ZFHX3: variants seen among roughly 807,000 people sequenced by gnomAD.
ZFHX3 encodes zinc finger homeobox protein 3.
A neutral mutation model predicts 279.1 loss-of-function variants in ZFHX3; 42 were observed. The ratio of observed to expected loss-of-function variants is 0.15; its 90% CI spans 0.12 to 0.19. ZFHX3 has a LOEUF of 0.19. Ranked by LOEUF, ZFHX3 falls within the 10% of genes least tolerant of loss-of-function variation. The probability of loss-of-function intolerance (pLI) is 1.00; values close to 1 mark genes in which losing one functional copy is unlikely to be tolerated. For missense variants in ZFHX3, 4,981 were observed against 4,754.0 expected (o/e 1.05, Z -1.40); for synonymous variants, 2,293 against 1,957.8 (o/e 1.17, Z -4.52).
chr16:73,089,199 G>A (rs1966043701), intron 8 of ZFHX3, among the ~76,000 whole-genome samples: 1 of 152,106 alleles, frequency 6.6e-6, no homozygotes, highest in Non-Finnish European at 1.5e-5. Context: ...CGCCTCCCAG[G>A]TTCAAGCAAT....
At chr16:72,860,829 C>T (rs373580130) in intron 4 of ZFHX3, among the ~76,000 whole-genome samples, 12 of 152,234 alleles carry the variant, frequency 7.9e-5, no homozygotes, top group Admixed American at 5.9e-4. Flanking sequence ...AATGCTCAGT[C>T]GTCTGTCCTT....
intron 3 of ZFHX3, among the ~76,000 whole-genome samples, chr16:72,926,872 T>G (rs1157502229): frequency 1.3e-5 from 2 of 152,154 alleles, no homozygotes; most frequent in Non-Finnish European, 2.9e-5. Context: ...TGGCTAGTTC[T>G]CTCTAGACCA....
intron 3 of ZFHX3, among the ~76,000 whole-genome samples, chr16:72,945,136 C>T (rs1182458215): frequency 6.6e-6 from 1 of 152,118 alleles, no homozygotes; most frequent in Admixed American, 6.5e-5. Context: ...GAAATACAAC[C>T]TATTGGACGA....
At chr16:73,769,954 G>C (rs140408388) in intron 1 of ZFHX3, among the ~76,000 whole-genome samples, 5 of 152,280 alleles carry the variant, frequency 3.3e-5, no homozygotes, top group African/African-American at 1.2e-4. Context: ...ATATTACATT[G>C]TTTATTATCA....
chr16:73,004,107 T>C (rs1363877494), intron 1 of ZFHX3, among the ~76,000 whole-genome samples: 2 of 151,096 alleles, frequency 1.3e-5, no homozygotes, highest in South Asian at 2.1e-4. Context: ...TCTTTGCCCA[T>C]TTATCTCTTT....
At chr16:72,931,552 A>C (rs1462702226) in intron 3 of ZFHX3, among the ~76,000 whole-genome samples, 1 of 147,642 alleles carries the variant, frequency 6.8e-6, no homozygotes, top group Non-Finnish European at 1.5e-5. Flanking sequence ...AGGGAAGAGG[A>C]GGGATGCACC....
chr16:72,828,298 A>C (rs1190107767), intron 5 of ZFHX3, among the ~76,000 whole-genome samples: 1 of 152,150 alleles, frequency 6.6e-6, no homozygotes, highest in East Asian at 1.9e-4. Flanking sequence ...CCGTCACATC[A>C]TTTCCTCTTA....
At chr16:72,849,349 A>G (rs1408316837) in intron 4 of ZFHX3, among the ~76,000 whole-genome samples, 1 of 152,196 alleles carries the variant, frequency 6.6e-6, no homozygotes, top group Admixed American at 6.5e-5. Flanking sequence ...GGACAAAAGC[A>G]GGGCTCAGCC....
At chr16:73,215,017 G>C (rs911069706) in intron 5 of ZFHX3, among the ~76,000 whole-genome samples, 1 of 152,044 alleles carries the variant, frequency 6.6e-6, no homozygotes, top group African/African-American at 2.4e-5. Context: ...TTTCTGTAGA[G>C]GGGGCAGGGG....
intron 5 of ZFHX3, among the ~76,000 whole-genome samples, chr16:73,181,068 A>C (rs1967781024): frequency 1.6e-5 from 2 of 122,616 alleles, no homozygotes; most frequent in Admixed American, 1.6e-4. Flanking sequence ...GGCTGCAGCT[A>C]GTTTTTTTGT....
At chr16:73,170,223 G>GTTTTTTTTTTGT (rs1967487767) in intron 5 of ZFHX3, among the ~76,000 whole-genome samples, 2 of 57,718 alleles carry the variant, frequency 3.5e-5, no homozygotes, top group Admixed American at 3.0e-4. Flanking sequence ...CCTTTCACTA[G>GTTTTTTTTTTGT]TTTTTTTTTT....
chr16:73,714,117 C>T (rs1351722826), intron 1 of ZFHX3, among the ~76,000 whole-genome samples: 2 of 152,090 alleles, frequency 1.3e-5, no homozygotes, highest in East Asian at 3.9e-4. Context: ...CTAGGATGCT[C>T]AGTATTAATT....
chr16:73,344,072 A>C (rs1017009737), intron 3 of ZFHX3, among the ~76,000 whole-genome samples: 2 of 152,238 alleles, frequency 1.3e-5, no homozygotes, highest in African/African-American at 4.8e-5. Context: ...TGTCACTTCA[A>C]AATATCTCTC....
intron 5 of ZFHX3, among the ~76,000 whole-genome samples, chr16:73,248,388 ATGTTCATGTGTGTGTGTGCACTG>A (rs2013370704): frequency 6.8e-6 from 1 of 146,620 alleles, no homozygotes; most frequent in Admixed American, 6.8e-5. Flanking sequence ...CTGTGTGTAT[ATGTTCATGTGTGTGTGTGCACTG>A]TGCATATAAT....
chr16:72,996,104 C>G (rs1963276475), intron 1 of ZFHX3, among the ~76,000 whole-genome samples: 1 of 133,526 alleles, frequency 7.5e-6, no homozygotes, highest in South Asian at 2.4e-4. Flanking sequence ...CCTGTCTCTA[C>G]TAAACACACA....
intron 3 of ZFHX3, among the ~76,000 whole-genome samples, chr16:73,381,984 A>G (rs1025317934): frequency 2.8e-4 from 42 of 152,334 alleles, no homozygotes; most frequent in African/African-American, 1.0e-3. Flanking sequence ...GCAGAGCTAG[A>G]CAATACATAA....
At chr16:72,919,768 A>G (rs1597377654) in intron 3 of ZFHX3, among the ~76,000 whole-genome samples, 1 of 111,656 alleles carries the variant, frequency 9.0e-6, no homozygotes, top group Non-Finnish European at 1.7e-5. Context: ...AAACATGTAT[A>G]TGCACCATCT....
chr16:73,839,894 C>T (rs1961255350), intron 1 of ZFHX3, among the ~76,000 whole-genome samples: 1 of 152,186 alleles, frequency 6.6e-6, no homozygotes, highest in African/African-American at 2.4e-5. Context: ...TGGTGTACAC[C>T]AGGTTCTTCC....
intron 7 of ZFHX3, among the ~76,000 whole-genome samples, chr16:72,804,926 G>A (rs1305861960): frequency 2.0e-5 from 3 of 152,072 alleles, no homozygotes; most frequent in Non-Finnish European, 4.4e-5. Context: ...AGGTTAGATC[G>A]ATGCCCCAGA....
Sources: gnomAD v4.1 joint callset for allele counts (sites outside exome capture counted in the v4.1 genomes callset) on GRCh38, gnomAD v4.1.1 for gene constraint, MANE v1.5 for transcripts, NCBI Gene and HGNC (gene_info 2026-07-23, HGNC 2026-07-21) for gene names.